GPC5: variants seen among roughly 807,000 people sequenced by gnomAD.
GPC5 encodes the protein glypican-5.
Under a neutral mutation model 53.9 loss-of-function variants are expected in GPC5, and 47 were observed. That is an observed-to-expected ratio of 0.87 (90% confidence interval 0.69 to 1.11). GPC5 has a LOEUF of 1.11. GPC5 is among the 50% of genes most tolerant of loss of function. The pLI is 0.00. For missense variants in GPC5, 748 were observed against 713.1 expected (o/e 1.05, Z -0.56); for synonymous variants, 286 against 263.3 (o/e 1.09, Z -0.84).
intron 7 of GPC5, among the ~76,000 whole-genome samples, chr13:92,582,097 C>A (rs1445252340): frequency 6.6e-6 from 1 of 151,892 alleles, no homozygotes; most frequent in Non-Finnish European, 1.5e-5. Context: ...CTTTTGAGGC[C>A]AAATCTAAAA....
intron 6 of GPC5, among the ~76,000 whole-genome samples, chr13:92,094,402 C>T (rs1397658026): frequency 2.0e-5 from 3 of 151,466 alleles, no homozygotes; most frequent in Non-Finnish European, 2.9e-5. Flanking sequence ...CACCTGTAGT[C>T]CCAGCTACTC....
At chr13:92,651,586 G>A (rs1594383702) in intron 7 of GPC5, among the ~76,000 whole-genome samples, 1 of 152,228 alleles carries the variant, frequency 6.6e-6, no homozygotes, top group Non-Finnish European at 1.5e-5. Context: ...TATGATTGTG[G>A]TTGGGATCCT....
At chr13:92,457,725 A>G (rs959707403) in intron 7 of GPC5, among the ~76,000 whole-genome samples, 1 of 151,842 alleles carries the variant, frequency 6.6e-6, no homozygotes, top group African/African-American at 2.4e-5. Flanking sequence ...AAAATGGCTT[A>G]ATGTTTTATT....
intron 7 of GPC5, among the ~76,000 whole-genome samples, chr13:92,265,160 C>T (rs1366400686): frequency 6.6e-6 from 1 of 152,066 alleles, no homozygotes; most frequent in South Asian, 2.1e-4. Context: ...CAAACAGATG[C>T]TTGGCCATAC....
At chr13:92,226,781 G>A (rs752672442) in intron 7 of GPC5, among the ~76,000 whole-genome samples, 4 of 151,684 alleles carry the variant, frequency 2.6e-5, no homozygotes, top group Admixed American at 6.6e-5. Flanking sequence ...TGCATTTTTA[G>A]TAGAGATGGG....
At chr13:92,238,257 G>C (rs539787137) in intron 7 of GPC5, among the ~76,000 whole-genome samples, 1 of 151,986 alleles carries the variant, frequency 6.6e-6, no homozygotes, top group East Asian at 1.9e-4. Flanking sequence ...GGTTAAAGCA[G>C]TGTACTCTGT....
intron 3 of GPC5, among the ~76,000 whole-genome samples, chr13:91,704,932 T>C (rs1277295859): frequency 6.6e-6 from 1 of 152,208 alleles, no homozygotes; most frequent in Non-Finnish European, 1.5e-5. Flanking sequence ...TCTTTCTCTT[T>C]AATAAAACTT....
At chr13:91,899,849 C>T (rs765115762) in intron 5 of GPC5, among the ~76,000 whole-genome samples, 9 of 152,086 alleles carry the variant, frequency 5.9e-5, no homozygotes, top group Non-Finnish European at 8.8e-5. Context: ...ATGGCCCTGC[C>T]AACATCTTGA....
chr13:91,403,266 A>G (rs1304881849), intron 1 of GPC5, among the ~76,000 whole-genome samples: 1 of 152,212 alleles, frequency 6.6e-6, no homozygotes, highest in Non-Finnish European at 1.5e-5. Context: ...GATTGTAGTA[A>G]AATTAGATTC....
chr13:92,131,485 C>A (rs1566448856), intron 6 of GPC5, among the ~76,000 whole-genome samples: 1 of 151,662 alleles, frequency 6.6e-6, no homozygotes, highest in Non-Finnish European at 1.5e-5. Flanking sequence ...ATGGAATACC[C>A]CTATTAAAAT....
intron 5 of GPC5, among the ~76,000 whole-genome samples, chr13:91,853,818 A>G (rs920928530): frequency 6.6e-6 from 1 of 151,962 alleles, no homozygotes; most frequent in African/African-American, 2.4e-5. Context: ...AGGTCATAAC[A>G]TTTTATTGGA....
At chr13:92,556,584 C>A (rs185133948) in intron 7 of GPC5, among the ~76,000 whole-genome samples, 1 of 151,658 alleles carries the variant, frequency 6.6e-6, no homozygotes, top group Admixed American at 6.6e-5. Flanking sequence ...CATGAAAACA[C>A]CCAGTCTCAA....
At chr13:91,966,752 TA>T (rs1365465211) in intron 6 of GPC5, among the ~76,000 whole-genome samples, 2 of 152,132 alleles carry the variant, frequency 1.3e-5, no homozygotes, top group African/African-American at 4.8e-5. Flanking sequence ...ATGTAAGTCA[TA>T]AAAGGCCTGA....
chr13:91,711,860 G>C (rs1444311243), intron 3 of GPC5, among the ~76,000 whole-genome samples: 1 of 152,186 alleles, frequency 6.6e-6, no homozygotes. Flanking sequence ...ATGTGGCCTA[G>C]TATGTGGCTG....
At chr13:91,874,301 C>T (rs1365642599) in intron 5 of GPC5, among the ~76,000 whole-genome samples, 1 of 151,836 alleles carries the variant, frequency 6.6e-6, no homozygotes, top group African/African-American at 2.4e-5. Context: ...ATATGCATGG[C>T]CTTGATTTTA....
intron 7 of GPC5, among the ~76,000 whole-genome samples, chr13:92,437,707 G>A (rs2209840): frequency 0.66 from 99,685 of 151,774 alleles, 33,544 homozygotes; most frequent in African/African-American, 0.81. Context: ...TAGGTTGTGT[G>A]TTTAACTGGA....
At chr13:92,194,405 T>C (rs1328246093) in intron 7 of GPC5, among the ~76,000 whole-genome samples, 1 of 152,182 alleles carries the variant, frequency 6.6e-6, no homozygotes, top group African/African-American at 2.4e-5. Flanking sequence ...GGACTAGATA[T>C]TAGGATCCAT....
intron 7 of GPC5, among the ~76,000 whole-genome samples, chr13:92,678,369 G>C (rs1375582366): frequency 1.3e-5 from 2 of 152,268 alleles, no homozygotes; most frequent in East Asian, 1.9e-4. Context: ...CGCATAAAGA[G>C]TTCTGGACAT....
chr13:91,828,209 A>G (rs1413800684), intron 5 of GPC5, among the ~76,000 whole-genome samples: 1 of 152,086 alleles, frequency 6.6e-6, no homozygotes, highest in Non-Finnish European at 1.5e-5. Flanking sequence ...TTTATAGATT[A>G]TGGGAGTGTG....
Sources: allele counts gnomAD v4.1 joint callset (sites outside exome capture counted in the v4.1 genomes callset), GRCh38; gene constraint gnomAD v4.1.1; transcripts MANE v1.5; gene names NCBI Gene and HGNC (gene_info 2026-07-23, HGNC 2026-07-21).